Variants in EIF4A3 observed in about 807,000 individuals in gnomAD.
EIF4A3 encodes the protein eukaryotic translation initiation factor 4A3.
In EIF4A3, 1 loss-of-function variant was observed where a neutral mutation model predicts 55.6. The observed-to-expected ratio is 0.02, with a 90% CI of 0.01 to 0.09. The LOEUF (loss-of-function observed/expected upper bound fraction) is 0.09. EIF4A3 is among the 10% of genes least tolerant of loss of function. The pLI is 1.00. For synonymous variants in EIF4A3, 194 were observed against 196.3 expected (o/e 0.99, Z 0.10); for missense variants, 221 against 540.7 (o/e 0.41, Z 5.86).
Position 80,135,905 on chromosome 17 carries a change from C to CAA in EIF4A3, c.1219+97_1219+98dup, listed in dbSNP as rs545911373. Reference sequence around the variant, plus strand: ...GCGAAACTTCGTCTCAAAAACAAAACAAAAAAACCCACAACAACAAAAAAA... The same window carrying CAA: ...GCGAAACTTCGTCTCAAAAACAAAACAAAAAAAAACCCACAACAACAAAAAAA... On this transcript the variant is annotated intron_variant, in intron 11 of 11. Coordinates refer to ENST00000649764, the MANE Select transcript of EIF4A3 (RefSeq NM_014740.4). The CAA allele has an allele frequency of 6.5e-4, 988 of 1,511,244 alleles. 6 individuals carry two copies. In the African/African-American group the frequency reaches 0.013, roughly 20 times the overall value. 93.6% of individuals were successfully genotyped at this position (1,511,244 alleles called of 1,614,324 possible). A position where few individuals can be genotyped will look rare whatever the true frequency, so the allele number is the denominator to read the frequency against.
intron 1 of EIF4A3, among the ~76,000 whole-genome samples, chr17:80,146,305 T>A (rs755012018): frequency 1.3e-5 from 2 of 151,872 alleles, no homozygotes; most frequent in African/African-American, 2.4e-5. Context: ...GCGAACCCCC[T>A]TACCTCTCTG....
chr17:80,146,631 C>G lies in EIF4A3; in HGVS notation c.169+162G>C, dbSNP rs1415257740. Among the ~76,000 whole-genome samples, 9 of 151,324 alleles carry G rather than the reference C, an allele frequency of 5.9e-5. No individual in the cohort carries two copies. In the East Asian group the frequency reaches 1.6e-3, roughly 27 times the overall value. ...ACACAGCCAGGCGTGAGGGCGAGGA[C>G]GGGGGTGGGGGTGGGGGTCGGACGT... On this transcript the variant is annotated intron_variant, in intron 1 of 11. Coordinates refer to ENST00000649764, the MANE Select transcript of EIF4A3 (RefSeq NM_014740.4).
At chr17:80,144,320 C>A (rs1377713147) in intron 1 of EIF4A3, 76 bp from the exon 2 acceptor site, 3 of 1,409,812 alleles carry the variant, frequency 2.1e-6, no homozygotes, top group Non-Finnish European at 3.0e-6. Context: ...TCCTCAGGGG[C>A]AGACATGGTT....
In EIF4A3 at chr17:80,136,314, A is replaced by G. The variant is rs1247332097; in HGVS notation, c.1005T>C (p.Asp335=). 1 of 1,613,982 alleles carries G rather than the reference A, an allele frequency of 6.2e-7. No homozygotes were observed. The highest frequency in any genetic ancestry group is 8.5e-7 in the Non-Finnish European group (1 of 1,179,948). ...SGASRVLIST[D]VWARGLDVPQ... ...GGACATCCAACCCCCTGGCCCAGACATCTGTAGAAATAAGCACTCGGCTGC... is the reference window on the plus strand; with the variant it reads ...GGACATCCAACCCCCTGGCCCAGACGTCTGTAGAAATAAGCACTCGGCTGC... The change falls in exon 10 of 12, where the codon GAT becomes GAC. Residue 335 remains aspartate, a synonymous_variant. Coordinates refer to ENST00000649764, the MANE Select transcript of EIF4A3 (RefSeq NM_014740.4).
chr17:80,139,969 A>C, intron 5 of EIF4A3, 39 bp downstream of exon 5: 1 of 1,598,040 alleles, frequency 6.3e-7, no homozygotes, highest in Non-Finnish European at 8.5e-7. Flanking sequence ...TCTTACAAAT[A>C]CTACCGGCAG....
At chr17:80,140,209 C>G in intron 4 of EIF4A3, 69 bp from the exon 5 acceptor site, 1 of 1,439,656 alleles carries the variant, frequency 6.9e-7, no homozygotes, top group Non-Finnish European at 9.2e-7. Context: ...AAAAGAAAGA[C>G]TGTTTCTCCT....
rs1473690000 is a variant in EIF4A3, at chr17:80,137,445, A to G, written c.924T>C (p.His308=). 4 of 1,613,976 alleles carry G rather than the reference A, an allele frequency of 2.5e-6. No homozygotes were observed. The highest frequency in any genetic ancestry group is 1.7e-5 in the Admixed American group (1 of 59,996). Residue 308 remains histidine, a synonymous_variant, in exon 9 of 12, where the codon CAT becomes CAC. Coordinates refer to ENST00000649764, the MANE Select transcript of EIF4A3 (RefSeq NM_014740.4). ...CCCGCTCTTTCTGGGGCATGTCTCC[A>G]TGCATTGAGGATACAGTGAAGTTGG... ...REANFTVSSM[H]GDMPQKERES... is the part of the protein sequence containing the mutation.
In EIF4A3 at chr17:80,135,843, C is replaced by T. The variant is rs886846716; in HGVS notation, c.1219+161G>A. On this transcript the variant is annotated intron_variant, in intron 11 of 11. Coordinates refer to ENST00000649764, the MANE Select transcript of EIF4A3 (RefSeq NM_014740.4). ...CCAGGAGGCAGAGGTTGCAGTGAGC[C>T]GAAATCGCGCCACTGCACTCCAGCC... 11 of 916,280 alleles carry T rather than the reference C, an allele frequency of 1.2e-5. No individual in the cohort carries two copies. In the East Asian group the frequency reaches 1.3e-4, roughly 11 times the overall value. 56.8% of individuals were successfully genotyped at this position (916,280 alleles called of 1,614,324 possible).
At chr17:80,139,308 C>T in intron 6 of EIF4A3, 146 bp from the exon 7 acceptor site, 1 of 1,052,338 alleles carries the variant, frequency 9.5e-7, no homozygotes, top group Non-Finnish European at 1.3e-6. Flanking sequence ...AGCACCAGGC[C>T]ACATCCACGC....
intron 9 of EIF4A3, 62 bp downstream of exon 9, chr17:80,137,324 T>A: frequency 6.9e-7 from 1 of 1,447,508 alleles, no homozygotes; most frequent in Non-Finnish European, 9.5e-7. Flanking sequence ...GCGGTACATA[T>A]GAAGTGCTTA....
chr17:80,145,298 C>A (rs1407556010), intron 1 of EIF4A3, among the ~76,000 whole-genome samples: 1 of 152,204 alleles, frequency 6.6e-6, no homozygotes, highest in Non-Finnish European at 1.5e-5. Context: ...GGTGGGGTGG[C>A]TCACACCTGT....
At chr17:80,137,876 C>T (rs1358205938) in intron 8 of EIF4A3, among the ~76,000 whole-genome samples, 3 of 152,168 alleles carry the variant, frequency 2.0e-5, no homozygotes, top group Non-Finnish European at 1.5e-5. Context: ...TCTAAAACTA[C>T]TCAGGCCTGG....
At chr17:80,144,297 C>G in intron 1 of EIF4A3, 53 bp from the exon 2 acceptor site, 1 of 1,560,154 alleles carries the variant, frequency 6.4e-7, no homozygotes, top group Non-Finnish European at 8.8e-7. Context: ...CATAGAAACC[C>G]TGTACTGTGA....
At chr17:80,144,540 T>C (rs1002195448) in intron 1 of EIF4A3, among the ~76,000 whole-genome samples, 10 of 151,980 alleles carry the variant, frequency 6.6e-5, no homozygotes, top group African/African-American at 2.4e-4. Flanking sequence ...GTGTGCAGCA[T>C]CTGGAAGTGT....
At chr17:80,138,794 A>C (rs1465618380) in intron 7 of EIF4A3, 1 of 552,942 alleles carries the variant, frequency 1.8e-6, no homozygotes, top group Non-Finnish European at 3.2e-6. Context: ...TACGGTCTCT[A>C]TATGTTGCCC....
At position 80,137,382 on chromosome 17, in the gene EIF4A3, C is replaced by A; in HGVS notation, c.983+4G>T. 6.2e-7 allele frequency: 1 copy of A among 1,612,482 alleles called. No individual in the cohort carries two copies. The highest frequency in any genetic ancestry group is 8.5e-7 in the Non-Finnish European group (1 of 1,179,352). ...CCTGCAGAGCCACAGCATAGCAGACCCACCTGGCGCCCGACCGGAACTCCT... is the reference window on the plus strand; with the variant it reads ...CCTGCAGAGCCACAGCATAGCAGACACACCTGGCGCCCGACCGGAACTCCT... On this transcript the variant is annotated splice_donor_region_variant and intron_variant, in intron 9 of 11. Transcript: ENST00000649764.
rs377400429 is a variant in EIF4A3 at position 80,144,152 on chromosome 17, C to G, written c.242+20G>C. On this transcript the variant is annotated intron_variant, in intron 2 of 11. Transcript: ENST00000649764. ...CCCAAATTTACATCCAGCCCTGCGC[C>G]GCACCCCAGGACAACTTACTGTGCG... 1 of 1,612,828 alleles carries G rather than the reference C, an allele frequency of 6.2e-7. No homozygotes were observed.
intron 2 of EIF4A3, among the ~76,000 whole-genome samples, chr17:80,142,604 G>T (rs1415009041): frequency 6.6e-6 from 1 of 152,106 alleles, no homozygotes; most frequent in Non-Finnish European, 1.5e-5. Context: ...AACTAACCAG[G>T]AACGGTGGCA....
At chr17:80,140,291 T>C in intron 4 of EIF4A3, 151 bp from the exon 5 acceptor site, 1 of 983,914 alleles carries the variant, frequency 1.0e-6, no homozygotes, top group Admixed American at 3.9e-5. Context: ...CTCTTTTCTC[T>C]GACAAAAACA....
Sources: allele counts gnomAD v4.1 joint callset (sites outside exome capture counted in the v4.1 genomes callset), GRCh38; gene constraint gnomAD v4.1.1; transcripts MANE v1.5; gene names NCBI Gene and HGNC (gene_info 2026-07-23, HGNC 2026-07-21).